The following DDX19A variants were observed in gnomAD, a reference collection of about 807,000 sequenced individuals.
DDX19A encodes the protein DEAD-box helicase 19A, also known as ATP-dependent RNA helicase DDX19A.
A neutral mutation model predicts 60.6 loss-of-function variants in DDX19A; 12 were observed. The observed-to-expected ratio is 0.20, with a 90% CI of 0.13 to 0.32. The LOEUF (loss-of-function observed/expected upper bound fraction) is 0.32, where lower values mean the gene tolerates loss of function less well. DDX19A is among the 10% of genes least tolerant of loss of function. The probability of loss-of-function intolerance (pLI) is 1.00; values close to 1 mark genes in which losing one functional copy is unlikely to be tolerated. For missense variants in DDX19A, 337 were observed against 600.6 expected (o/e 0.56, Z 4.59); for synonymous variants, 206 against 218.2 (o/e 0.94, Z 0.49).
At chr16:70,367,274 A>G (rs1392107792) in intron 9 of DDX19A, among the ~76,000 whole-genome samples, 1 of 151,960 alleles carries the variant, frequency 6.6e-6, no homozygotes. Flanking sequence ...TAAAAGTACA[A>G]AAAATTAGCG....
Position 70,370,937 on chromosome 16 carries a change from G to A in DDX19A, c.1184-435G>A, listed in dbSNP as rs181231583. 1.9e-4 allele frequency: 46 copies of A among 245,148 alleles called. 1 individual carries two copies. The South Asian group carries it at 1.9e-3, about 10-fold the overall frequency. The allele number at this position is 245,148 out of a possible 1,614,324, so 15.2% of individuals were successfully genotyped here. ...CTTGAACCCGGGAGGTGGAGGTTACGGTGAGTGAGATCGCGCCATTGCACT... is the reference window on the plus strand; with the variant it reads ...CTTGAACCCGGGAGGTGGAGGTTACAGTGAGTGAGATCGCGCCATTGCACT... On this transcript the variant is annotated intron_variant, in intron 10 of 11. Coordinates refer to ENST00000302243, the MANE Select transcript of DDX19A (RefSeq NM_018332.5).
At chr16:70,356,920 T>A in intron 4 of DDX19A, 2 of 1,189,386 alleles carry the variant, frequency 1.7e-6, no homozygotes, top group Non-Finnish European at 2.2e-6. Flanking sequence ...AGCCCTTAAG[T>A]GAGAACATGT....
chr16:70,364,262 G>T, intron 5 of DDX19A: 1 of 349,618 alleles, frequency 2.9e-6, no homozygotes, highest in Non-Finnish European at 5.3e-6. Context: ...ATTTCCCTGT[G>T]CCCCTTGGGG....
chr16:70,349,305 C>G (rs980084547), intron 1 of DDX19A, among the ~76,000 whole-genome samples: 6 of 152,116 alleles, frequency 3.9e-5, no homozygotes, highest in Admixed American at 3.9e-4. Context: ...CTACTTGAGG[C>G]TTTTATTGGG....
chr16:70,351,969 A>G (rs146852062), intron 2 of DDX19A, among the ~76,000 whole-genome samples: 10 of 152,280 alleles, frequency 6.6e-5, no homozygotes, highest in African/African-American at 2.4e-4. Context: ...ACCTCATCTT[A>G]ACTACAGCTG....
At position 70,370,377 on chromosome 16, in the gene DDX19A, G is replaced by C; in HGVS notation, c.1175G>C (p.Cys392Ser). The C allele has an allele frequency of 6.2e-7, 1 of 1,612,494 alleles. No individual in the cohort carries two copies. The highest frequency in any genetic ancestry group is 8.5e-7 in the Non-Finnish European group (1 of 1,179,484). ...KEKVLVTTNV[C>S]ARGIDVEQVS... Reference sequence around the variant, plus strand: ...AAGGTTTTGGTGACCACCAACGTGTGTGCCCGCGGTGAGCAGAGGACGTGT... The same window carrying C: ...AAGGTTTTGGTGACCACCAACGTGTCTGCCCGCGGTGAGCAGAGGACGTGT... The change falls in exon 10 of 12, where the codon TGT becomes TCT. Residue 392 changes from cysteine (C) to serine (S), a missense_variant. Around this residue, in one of 6 missense-constraint regions of DDX19A, gnomAD observed 117 missense variants for 274.3 expected, o/e 0.43. Transcript: ENST00000302243.
Position 70,364,416 on chromosome 16 carries a change from A to G in DDX19A, c.387-127A>G, listed in dbSNP as rs910497063. 92 of 664,448 alleles carry G rather than the reference A, an allele frequency of 1.4e-4. 1 individual carries two copies. In the South Asian group the frequency reaches 1.5e-3, roughly 11 times the overall value. 41.2% of individuals were successfully genotyped at this position (664,448 alleles called of 1,614,324 possible). A position where few individuals can be genotyped will look rare whatever the true frequency, so the allele number is the denominator to read the frequency against. ...AATGTATGAAAGTAATTTGTGCTCA[A>G]TGGAGAAAACCTGGGTAATATAGAG... On this transcript the variant is annotated intron_variant, in intron 5 of 11. Coordinates refer to ENST00000302243, the MANE Select transcript of DDX19A (RefSeq NM_018332.5).
At chr16:70,360,102 G>A (rs1365645563) in intron 4 of DDX19A, among the ~76,000 whole-genome samples, 2 of 151,888 alleles carry the variant, frequency 1.3e-5, no homozygotes, top group Non-Finnish European at 2.9e-5. Context: ...CCAACATGGC[G>A]AAACCCTGTT....
Position 70,346,985 on chromosome 16 carries a change from C to G in DDX19A, c.-7C>G, listed in dbSNP as rs1409177676. On this transcript the variant is annotated 5_prime_UTR_variant, in exon 1 of 12. Coordinates refer to ENST00000302243, the MANE Select transcript of DDX19A (RefSeq NM_018332.5). ...TTTTCACAAGTGGGTCTCCCTTGTCCGGGACTATGGCCACCGACTCGTGGG... is the reference window on the plus strand; with the variant it reads ...TTTTCACAAGTGGGTCTCCCTTGTCGGGGACTATGGCCACCGACTCGTGGG... The G allele has an allele frequency of 6.2e-7, 1 of 1,611,724 alleles. No individual in the cohort carries two copies. The highest frequency in any genetic ancestry group is 1.1e-5 in the South Asian group (1 of 90,598).
intron 5 of DDX19A, among the ~76,000 whole-genome samples, chr16:70,363,043 G>A (rs1010964780): frequency 5.3e-5 from 8 of 151,104 alleles, no homozygotes; most frequent in Non-Finnish European, 1.2e-4. Context: ...GTAGAGACAG[G>A]GTATCACTAT....
chr16:70,354,780 G>A (rs1964131600), intron 2 of DDX19A, among the ~76,000 whole-genome samples: 1 of 151,962 alleles, frequency 6.6e-6, no homozygotes, highest in Admixed American at 6.6e-5. Context: ...CCATCTCTAC[G>A]AAAATATTTT....
chr16:70,365,259 A>G (rs1318790119), intron 7 of DDX19A, 128 bp downstream of exon 7: 2 of 551,800 alleles, frequency 3.6e-6, no homozygotes, highest in African/African-American at 3.8e-5. Context: ...GTGTTGCTCT[A>G]TTTGAATCTA....
intron 2 of DDX19A, among the ~76,000 whole-genome samples, chr16:70,351,353 C>T (rs985912491): frequency 6.6e-6 from 1 of 151,620 alleles, no homozygotes; most frequent in Admixed American, 6.6e-5. Flanking sequence ...CTACAGGCAT[C>T]CACCACCACA....
intron 1 of DDX19A, among the ~76,000 whole-genome samples, chr16:70,349,598 C>G (rs1963951764): frequency 6.6e-6 from 1 of 152,156 alleles, no homozygotes; most frequent in Non-Finnish European, 1.5e-5. Context: ...AAATACAGCA[C>G]TGGAGTTCAG....
intron 10 of DDX19A, 78 bp from the exon 11 acceptor site, chr16:70,371,294 C>T: frequency 6.2e-7 from 1 of 1,613,276 alleles, no homozygotes; most frequent in Non-Finnish European, 8.5e-7. Context: ...AGTTGGTACG[C>T]ATTGACCTAC....
intron 1 of DDX19A, 68 bp downstream of exon 1, chr16:70,347,116 G>A (rs760612510): frequency 8.6e-6 from 13 of 1,510,228 alleles, no homozygotes; most frequent in African/African-American, 2.7e-5. Flanking sequence ...AAAAGCACAG[G>A]GAGCTCCCCG....
At chr16:70,369,876 G>T (rs1393920115) in intron 9 of DDX19A, among the ~76,000 whole-genome samples, 6 of 152,078 alleles carry the variant, frequency 3.9e-5, no homozygotes, top group African/African-American at 1.2e-4. Context: ...CTCCCAAAGT[G>T]CTAGGAGTAC....
chr16:70,355,965 T>C (rs890059352), intron 3 of DDX19A, 147 bp from the exon 4 acceptor site: 15 of 1,013,044 alleles, frequency 1.5e-5, no homozygotes, highest in Non-Finnish European at 2.2e-5. Context: ...ATCTCTAAAA[T>C]AAATAAATAG....
chr16:70,357,825 A>G (rs539221172), intron 4 of DDX19A, among the ~76,000 whole-genome samples: 2 of 152,096 alleles, frequency 1.3e-5, no homozygotes, highest in Non-Finnish European at 2.9e-5. Context: ...ACAATCATAG[A>G]AAGTAGCTGA....
Sources: gnomAD v4.1 joint callset for allele counts (sites outside exome capture counted in the v4.1 genomes callset) on GRCh38, gnomAD v4.1.1 for gene constraint, gnomAD v4.1.1 regional missense constraint, MANE v1.5 for transcripts, NCBI Gene and HGNC (gene_info 2026-07-23, HGNC 2026-07-21) for gene names.